Variants in SUSD6 observed in about 807,000 individuals in gnomAD.
The protein encoded by SUSD6 is sushi domain-containing protein 6.
SUSD6 carries 16 observed loss-of-function variants against 28.4 expected under a neutral mutation model. That is an observed-to-expected ratio of 0.56 (90% CI 0.38 to 0.86). The LOEUF is 0.86. Among genes scored for constraint, SUSD6 ranks in the 40% least tolerant of loss-of-function variants. The pLI is 0.00. For synonymous variants in SUSD6, 147 were observed against 159.6 expected, an observed-to-expected ratio of 0.92 and a Z score of 0.59; for missense variants, 341 against 384.2, an observed-to-expected ratio of 0.89 and a Z score of 0.94.
chr14:69,627,783 A>G (rs1885136601), intron 1 of SUSD6, among the ~76,000 whole-genome samples: 1 of 151,962 alleles, frequency 6.6e-6, no homozygotes, highest in South Asian at 2.1e-4. Flanking sequence ...TTTCTAGTAA[A>G]AGTGGCAGAT....
intron 5 of SUSD6, among the ~76,000 whole-genome samples, chr14:69,709,933 G>A (rs912917507): frequency 6.6e-6 from 1 of 152,212 alleles, no homozygotes; most frequent in African/African-American, 2.4e-5. Context: ...AAGAGCCTTA[G>A]AGGAAACTTT....
intron 1 of SUSD6, among the ~76,000 whole-genome samples, chr14:69,616,853 GT>G (rs555504235): frequency 3.8e-4 from 57 of 151,760 alleles, no homozygotes; most frequent in African/African-American, 1.3e-3. Context: ...GTACAATTCA[GT>G]GGTTTTTAGT....
chr14:69,627,510 C>T (rs967166643), intron 1 of SUSD6, among the ~76,000 whole-genome samples: 1 of 152,204 alleles, frequency 6.6e-6, no homozygotes, highest in African/African-American at 2.4e-5. Flanking sequence ...CAGAGTCTCA[C>T]TCTGTTCCCC....
chr14:69,667,243 G>A (rs1885755393), intron 2 of SUSD6, among the ~76,000 whole-genome samples: 2 of 152,152 alleles, frequency 1.3e-5, no homozygotes, highest in African/African-American at 2.4e-5. Flanking sequence ...AAAAGTCTTG[G>A]ATTTCTCTTT....
In SUSD6 at chr14:69,658,674, G is replaced by C; in HGVS notation, c.82G>C (p.Val28Leu). The C allele has an allele frequency of 1.2e-6, 2 of 1,614,094 alleles. No individual in the cohort carries two copies. The highest frequency in any genetic ancestry group is 1.7e-6 in the Non-Finnish European group (2 of 1,179,958). ...SVGHGVFLPLVILCTLLGDGL... is the reference protein window; with the variant it reads ...SVGHGVFLPLLILCTLLGDGL... ...GGGACATGGAGTGTTCCTTCCGCTA[G>C]TGATCCTTTGCACCCTGCTTGGAGA... Residue 28 changes from valine (V) to leucine (L), a missense_variant, in exon 2 of 6, where the codon GTG becomes CTG. Transcript: ENST00000342745.
At chr14:69,695,844 A>G (rs1489438450) in intron 2 of SUSD6, among the ~76,000 whole-genome samples, 1 of 152,234 alleles carries the variant, frequency 6.6e-6, no homozygotes, top group Non-Finnish European at 1.5e-5. Context: ...GTCAGTGAAC[A>G]CAAGCTGTTG....
intron 2 of SUSD6, among the ~76,000 whole-genome samples, chr14:69,686,846 C>T (rs1226259405): frequency 2.6e-5 from 4 of 151,152 alleles, no homozygotes; most frequent in African/African-American, 9.9e-5. Context: ...TGGGTGGGGA[C>T]ACAGAGTCAA....
At position 69,711,087 on chromosome 14, in the gene SUSD6, G is replaced by A. The variant is rs1328046597; in HGVS notation, c.*108G>A. 3 of 1,100,442 alleles carry A rather than the reference G, an allele frequency of 2.7e-6. No homozygotes were observed. The highest frequency in any genetic ancestry group is 1.7e-5 in the Admixed American group (1 of 57,692). The allele number at this position is 1,100,442 out of a possible 1,614,324, so 68.2% of individuals were successfully genotyped here. ...CCAGCCACCTTACCTGGATACCTGA[G>A]CTGCCACCTGTGTATCTGTGTATCT... On this transcript the variant is annotated 3_prime_UTR_variant, in exon 6 of 6. Transcript: ENST00000342745.
intron 4 of SUSD6, among the ~76,000 whole-genome samples, chr14:69,707,314 A>T (rs1886400148): frequency 6.6e-6 from 1 of 152,214 alleles, no homozygotes; most frequent in Admixed American, 6.5e-5. Context: ...TTCAGGGAAA[A>T]AAAAGGCATG....
chr14:69,669,931 A>G (rs1885804868), intron 2 of SUSD6, among the ~76,000 whole-genome samples: 1 of 152,168 alleles, frequency 6.6e-6, no homozygotes, highest in Non-Finnish European at 1.5e-5. Flanking sequence ...CTTTGATTTG[A>G]AAGGATTGGC....
intron 1 of SUSD6, among the ~76,000 whole-genome samples, chr14:69,622,119 A>G (rs946720793): frequency 6.6e-6 from 1 of 152,154 alleles, no homozygotes; most frequent in Admixed American, 6.5e-5. Flanking sequence ...AAAGTTTAAC[A>G]CTTAATTATA....
intron 2 of SUSD6, among the ~76,000 whole-genome samples, chr14:69,692,836 C>T (rs899095937): frequency 2.0e-5 from 3 of 152,198 alleles, no homozygotes; most frequent in Non-Finnish European, 4.4e-5. Context: ...TCCTTCTGAG[C>T]TGCCGTAAAC....
intron 1 of SUSD6, among the ~76,000 whole-genome samples, chr14:69,612,987 G>T (rs1420474230): frequency 6.6e-6 from 1 of 152,168 alleles, no homozygotes; most frequent in Admixed American, 6.5e-5. Context: ...TCTAGTGGAG[G>T]CTAGTAGAGA....
intron 2 of SUSD6, among the ~76,000 whole-genome samples, chr14:69,687,788 C>T (rs1886095154): frequency 6.6e-6 from 1 of 152,214 alleles, no homozygotes; most frequent in Non-Finnish European, 1.5e-5. Context: ...GCCGTTACAA[C>T]TGTTAATTAA....
At chr14:69,656,573 G>T (rs1041193346) in intron 1 of SUSD6, among the ~76,000 whole-genome samples, 1 of 152,144 alleles carries the variant, frequency 6.6e-6, no homozygotes, top group African/African-American at 2.4e-5. Flanking sequence ...GAACTCTAAG[G>T]CCCCTACTGT....
At position 69,703,438 on chromosome 14, in the gene SUSD6, C is replaced by T. The variant is rs1255900217; in HGVS notation, c.165C>T (p.Cys55=). Reference sequence around the variant, plus strand: ...AGCCAGAGAATGGTGGCTACATCTGCCACCCCCGGCCCTGCAGAGACCCCC... The same window carrying T: ...AGCCAGAGAATGGTGGCTACATCTGTCACCCCCGGCCCTGCAGAGACCCCC... ...PPEPENGGYI[C]HPRPCRDPLT... Residue 55 remains cysteine, a synonymous_variant, in exon 3 of 6, where the codon TGC becomes TGT. Transcript: ENST00000342745. 1.9e-6 allele frequency: 3 copies of T among 1,614,030 alleles called. No individual in the cohort carries two copies. The highest frequency in any genetic ancestry group is 1.7e-6 in the Non-Finnish European group (2 of 1,180,026).
chr14:69,623,203 T>A (rs1235059466), intron 1 of SUSD6, among the ~76,000 whole-genome samples: 3 of 152,168 alleles, frequency 2.0e-5, no homozygotes, highest in Non-Finnish European at 2.9e-5. Flanking sequence ...TACCCTAAAG[T>A]CAGCATGTAT....
intron 4 of SUSD6, among the ~76,000 whole-genome samples, chr14:69,708,435 C>T (rs1393603884): frequency 2.0e-5 from 3 of 152,098 alleles, no homozygotes; most frequent in Non-Finnish European, 4.4e-5. Flanking sequence ...CCATCCTTTA[C>T]CAGCTGTGTG....
chr14:69,656,071 CTT>C (rs909635097), intron 1 of SUSD6, among the ~76,000 whole-genome samples: 1 of 148,128 alleles, frequency 6.8e-6, no homozygotes. Flanking sequence ...TTGGTGCTTC[CTT>C]TTTTTTTTCT....
Sources: gnomAD v4.1 joint callset for allele counts (sites outside exome capture counted in the v4.1 genomes callset) on GRCh38, gnomAD v4.1.1 for gene constraint, MANE v1.5 for transcripts, NCBI Gene and HGNC (gene_info 2026-07-23, HGNC 2026-07-21) for gene names.